Variants in SEC24D observed in about 807,000 individuals in gnomAD.
The protein encoded by SEC24D is SEC24 homolog D, COPII component.
In SEC24D, 69 loss-of-function variants were observed where a neutral mutation model predicts 116.9. That is an observed-to-expected ratio of 0.59 (90% CI 0.49 to 0.72). SEC24D has a LOEUF of 0.72. SEC24D is among the 30% of genes least tolerant of loss of function. The pLI, the probability that SEC24D is intolerant of heterozygous loss-of-function variation, is 0.00. For synonymous variants in SEC24D, 405 were observed against 442.8 expected (o/e 0.91, Z 1.07); for missense variants, 1,131 against 1,264.1 (o/e 0.89, Z 1.60).
chr4:118,793,767 G>T (rs1729054313), intron 8 of SEC24D, among the ~76,000 whole-genome samples: 1 of 152,186 alleles, frequency 6.6e-6, no homozygotes, highest in South Asian at 2.1e-4. Flanking sequence ...AAACCAGGAA[G>T]CACTGCTATA....
chr4:118,825,631 A>T lies in SEC24D; in HGVS notation c.119-882T>A, dbSNP rs140197108. On this transcript the variant is annotated intron_variant, in intron 2 of 22. Transcript: ENST00000280551. ...CTCAGTTTTCTTCCTGTAAAATGAA[A>T]GGCTTAGACTAGATTACCTGAGACC... The T allele has an allele frequency of 8.6e-4, 392 of 456,096 alleles. 3 individuals carry two copies. The East Asian group carries it at 0.016, about 19-fold the overall frequency. The allele number at this position is 456,096 out of a possible 1,614,324, so 28.3% of individuals were successfully genotyped here.
At chr4:118,777,392 T>G (rs773234751) in intron 8 of SEC24D, among the ~76,000 whole-genome samples, 1 of 152,228 alleles carries the variant, frequency 6.6e-6, no homozygotes, top group Non-Finnish European at 1.5e-5. Flanking sequence ...TGTGACAGTT[T>G]GCTCAGAATG....
At chr4:118,746,858 CAGTG>C (rs1199467402) in intron 13 of SEC24D, among the ~76,000 whole-genome samples, 1 of 152,090 alleles carries the variant, frequency 6.6e-6, no homozygotes, top group Non-Finnish European at 1.5e-5. Flanking sequence ...ATGTCTCTCT[CAGTG>C]AGTGACATTC....
intron 8 of SEC24D, among the ~76,000 whole-genome samples, chr4:118,778,780 A>G (rs1408530143): frequency 6.6e-6 from 1 of 152,028 alleles, no homozygotes; most frequent in African/African-American, 2.4e-5. Flanking sequence ...TATTTTGTTG[A>G]GCAGTGGTTT....
chr4:118,813,835 A>T (rs1730021159), intron 6 of SEC24D, among the ~76,000 whole-genome samples: 1 of 152,182 alleles, frequency 6.6e-6, no homozygotes, highest in Admixed American at 6.5e-5. Context: ...CAGCCACAGG[A>T]AACTAATACA....
At chr4:118,819,798 A>G (rs11098453) in intron 3 of SEC24D, among the ~76,000 whole-genome samples, 53,883 of 152,024 alleles carry the variant, frequency 0.35, 10,604 homozygotes, top group East Asian at 0.55. Context: ...TACAGGTAGG[A>G]CAAAATATAT....
At chr4:118,784,998 G>A (rs1728607241) in intron 8 of SEC24D, among the ~76,000 whole-genome samples, 1 of 152,010 alleles carries the variant, frequency 6.6e-6, no homozygotes, top group African/African-American at 2.4e-5. Flanking sequence ...TTTTAAATAA[G>A]AACATGTGTG....
chr4:118,727,653 C>T (rs748579425), intron 22 of SEC24D, among the ~76,000 whole-genome samples: 5 of 151,646 alleles, frequency 3.3e-5, no homozygotes, highest in Non-Finnish European at 7.4e-5. Flanking sequence ...CCTAGAAAAA[C>T]GTGTAACCAA....
At chr4:118,790,462 A>C (rs566808484) in intron 8 of SEC24D, among the ~76,000 whole-genome samples, 6 of 152,332 alleles carry the variant, frequency 3.9e-5, no homozygotes, top group Admixed American at 3.9e-4. Context: ...CCTAAAATAC[A>C]GCATCAAAAA....
In SEC24D at chr4:118,819,881, A is replaced by G. The variant is rs142986495; in HGVS notation, c.249-2469T>C. 4.0e-3 allele frequency among the ~76,000 whole-genome samples: 615 copies of G among 152,334 alleles called. 4 individuals are homozygous for G. Among genetic ancestry groups the G allele is most frequent in the African/African-American group, 0.014 (575 of 41,564 alleles). Reference sequence around the variant, plus strand: ...TTAACAAAGGTTAAGGATTTAAAATAGAGAATGAGAGACTATATAACCATC... The same window carrying G: ...TTAACAAAGGTTAAGGATTTAAAATGGAGAATGAGAGACTATATAACCATC... On this transcript the variant is annotated intron_variant, in intron 3 of 22. Transcript: ENST00000280551.
chr4:118,795,043 G>C (rs1729112468), intron 8 of SEC24D, among the ~76,000 whole-genome samples: 1 of 152,036 alleles, frequency 6.6e-6, no homozygotes, highest in South Asian at 2.1e-4. Context: ...CATGAAAGGG[G>C]AGGAAGCAGA....
At chr4:118,829,148 TATGAG>T (rs1279159644) in intron 2 of SEC24D, among the ~76,000 whole-genome samples, 59 of 152,354 alleles carry the variant, frequency 3.9e-4, no homozygotes, top group Non-Finnish European at 8.8e-5. Context: ...AAGTAAATAC[TATGAG>T]GACTGAGATT....
In SEC24D at chr4:118,732,752, T is replaced by G; in HGVS notation, c.2657A>C (p.Tyr886Ser). ...GCTTACTATGGGCAGAAGTTGTGGG[T>G]AGAAGAAAAGCTGAGAGTCAGCCAC... ...MGVADSQLFF[Y>S]PQLLPIHTLD... Residue 886 changes from tyrosine to serine, a missense_variant, in exon 20 of 23, where the codon TAC (tyrosine) becomes TCC (serine). By Grantham distance (144) the Tyr-to-Ser change is moderately radical (BLOSUM62 -2). Coordinates refer to ENST00000280551, the MANE Select transcript of SEC24D (RefSeq NM_014822.4). The G allele has an allele frequency of 6.2e-7, 1 of 1,613,992 alleles. No homozygotes were observed. The highest frequency in any genetic ancestry group is 8.5e-7 in the Non-Finnish European group (1 of 1,179,920).
At chr4:118,764,225 A>C (rs9997577) in intron 10 of SEC24D, among the ~76,000 whole-genome samples, 2,026 of 152,276 alleles carry the variant, frequency 0.013, 44 homozygotes, top group African/African-American at 0.046. Context: ...ATTTTTTAGA[A>C]AAGAAATAAC....
chr4:118,796,648 T>G (rs1354202008), intron 8 of SEC24D, among the ~76,000 whole-genome samples: 1 of 152,194 alleles, frequency 6.6e-6, no homozygotes, highest in Non-Finnish European at 1.5e-5. Flanking sequence ...TTAGTGGACA[T>G]AAAGCCCCAC....
chr4:118,824,187 C>T (rs1467419886), intron 3 of SEC24D, among the ~76,000 whole-genome samples: 1 of 152,016 alleles, frequency 6.6e-6, no homozygotes, highest in Non-Finnish European at 1.5e-5. Flanking sequence ...CACTGTGTTG[C>T]CCAGGCTGGA....
chr4:118,816,678 A>C (rs1730162598), intron 4 of SEC24D: 1 of 318,848 alleles, frequency 3.1e-6, no homozygotes, highest in Non-Finnish European at 6.2e-6. Flanking sequence ...AGTAACATGG[A>C]AACATTCTTC....
intron 13 of SEC24D, among the ~76,000 whole-genome samples, chr4:118,748,589 TGA>T (rs1296521830): frequency 6.6e-6 from 1 of 152,174 alleles, no homozygotes; most frequent in East Asian, 1.9e-4. Context: ...GAAAACAGGT[TGA>T]GAGAGGCTGG....
intron 8 of SEC24D, 26 bp downstream of exon 8, chr4:118,797,657 G>A: frequency 6.7e-7 from 1 of 1,501,296 alleles, no homozygotes; most frequent in Non-Finnish European, 9.0e-7. Flanking sequence ...ATAAATTATT[G>A]AATTGCTATT....
Sources: allele counts gnomAD v4.1 joint callset (sites outside exome capture counted in the v4.1 genomes callset), GRCh38; gene constraint gnomAD v4.1.1; transcripts MANE v1.5; gene names NCBI Gene and HGNC (gene_info 2026-07-23, HGNC 2026-07-21).